GPRC6A: variants seen among roughly 807,000 people sequenced by gnomAD.
GPRC6A encodes G protein-coupled receptor family C group 6 member A.
A neutral mutation model predicts 47.0 loss-of-function variants in GPRC6A; 54 were observed. That is an observed-to-expected ratio of 1.15 (90% CI 0.92 to 1.44). The LOEUF is 1.44. Ranked by LOEUF, GPRC6A falls within the 40% of genes most tolerant of loss-of-function variation. The probability of loss-of-function intolerance (pLI) is 0.00; values close to 1 mark genes in which losing one functional copy is unlikely to be tolerated. For synonymous variants in GPRC6A, 347 were observed against 377.1 expected, an observed-to-expected ratio of 0.92 and a Z score of 0.93; for missense variants, 1,112 against 1,105.5, an observed-to-expected ratio of 1.01 and a Z score of -0.08.
At position 116,807,032 on chromosome 6, in the gene GPRC6A, G is replaced by T. The variant is rs767234671; in HGVS notation, c.673C>A (p.Leu225Ile). Residue 225 changes from leucine (L) to isoleucine (I), a missense_variant, in exon 3 of 6, where the codon CTT (leucine) becomes ATT (isoleucine). Physicochemically the swap from Leu to Ile is conservative, Grantham distance 5. Coordinates refer to ENST00000310357, the MANE Select transcript of GPRC6A (RefSeq NM_148963.4). ...TCAGCCTGAATTATAAAAGTGTTAA[G>T]AGCCAATCGTCCATAGTCATCATCT... ...TTDDDYGRLA[L>I]NTFIIQAEAN... is the part of the protein sequence containing the mutation. 3 of 1,613,762 alleles carry T rather than the reference G, an allele frequency of 1.9e-6. No individual in the cohort carries two copies. Among genetic ancestry groups the T allele is most frequent in the Non-Finnish European group, 2.5e-6 (3 of 1,179,808 alleles).
At chr6:116,800,515 G>GGCCAAGGACT in intron 4 of GPRC6A, 69 bp downstream of exon 4, 1 of 945,650 alleles carries the variant, frequency 1.1e-6, no homozygotes, top group Admixed American at 1.7e-5. Context: ...GAAGAGTGGG[G>GGCCAAGGACT]GCCAAGGACT....
In GPRC6A at chr6:116,815,584, G is replaced by A. The variant is rs562341881; in HGVS notation, c.195-5967C>T. Reference sequence around the variant, plus strand: ...AGAATACACATTCTTCTCAGTGCATGGAACATTCTCCAGATCAGGCCATAT... The same window carrying A: ...AGAATACACATTCTTCTCAGTGCATAGAACATTCTCCAGATCAGGCCATAT... On this transcript the variant is annotated intron_variant, in intron 1 of 5. Transcript: ENST00000310357. Among the ~76,000 whole-genome samples, 10 of 152,210 alleles carry A rather than the reference G, an allele frequency of 6.6e-5. No homozygotes were observed. The South Asian group carries it at 1.9e-3, about 28-fold the overall frequency.
rs1398678524 is a variant in GPRC6A, at chr6:116,800,910, G to A, written c.1336-114C>T. ...TATCACTTAAAAATGAGGGAAAAAA[G>A]ATTATAAATCACTGGTTGGAGAATT... is the stretch of plus-strand genomic sequence containing the variant. On this transcript the variant is annotated intron_variant, in intron 3 of 5. Transcript: ENST00000310357. 4 of 664,084 alleles carry A rather than the reference G, an allele frequency of 6.0e-6. No homozygotes were observed. In the African/African-American group the frequency reaches 7.2e-5, roughly 12 times the overall value. 41.1% of individuals were successfully genotyped at this position (664,084 alleles called of 1,614,324 possible). A position where few individuals can be genotyped will look rare whatever the true frequency, so the allele number is the denominator to read the frequency against.
chr6:116,804,786 G>A (rs1327147878), intron 3 of GPRC6A, among the ~76,000 whole-genome samples: 1 of 151,944 alleles, frequency 6.6e-6, no homozygotes, highest in East Asian at 1.9e-4. Context: ...CAGATCTTCA[G>A]GGGGTGAATA....
At position 116,827,084 on chromosome 6, in the gene GPRC6A, A is replaced by G. The variant is rs772491432; in HGVS notation, c.194+1736T>C. On this transcript the variant is annotated intron_variant, in intron 1 of 5. Transcript: ENST00000310357. ...GGTAGGAGAGGGAATAAAGAGAGGT[A>G]GGTTAGTGGGTATAAACATATAGTT... 1.3e-4 allele frequency among the ~76,000 whole-genome samples: 19 copies of G among 151,848 alleles called. 1 individual carries two copies. Among genetic ancestry groups the G allele is most frequent in the Admixed American group, 1.3e-3 (19 of 15,200 alleles).
At chr6:116,808,294 T>C (rs1348688856) in intron 2 of GPRC6A, among the ~76,000 whole-genome samples, 3 of 152,138 alleles carry the variant, frequency 2.0e-5, no homozygotes, top group Non-Finnish European at 2.9e-5. Flanking sequence ...CCATAGAATG[T>C]CCCCTTACCT....
chr6:116,798,463 C>T (rs764381981), intron 4 of GPRC6A, among the ~76,000 whole-genome samples: 30 of 151,988 alleles, frequency 2.0e-4, no homozygotes, highest in Admixed American at 3.3e-4. Context: ...AGGTCAGGTT[C>T]GTACTGGGGG....
chr6:116,805,722 C>T (rs1772814000), intron 3 of GPRC6A, among the ~76,000 whole-genome samples: 1 of 152,090 alleles, frequency 6.6e-6, no homozygotes, highest in African/African-American at 2.4e-5. Context: ...CACACAATTG[C>T]TGGTTTCTTT....
chr6:116,799,496 G>A (rs960976533), intron 4 of GPRC6A, among the ~76,000 whole-genome samples: 5 of 152,146 alleles, frequency 3.3e-5, no homozygotes, highest in African/African-American at 9.7e-5. Context: ...TTTCATTGAG[G>A]GGAGAATAAT....
Position 116,806,894 on chromosome 6 carries a change from C to T in GPRC6A, c.811G>A (p.Val271Ile). 7 of 1,613,664 alleles carry T rather than the reference C, an allele frequency of 4.3e-6. No homozygotes were observed. The highest frequency in any genetic ancestry group is 5.9e-6 in the Non-Finnish European group (7 of 1,179,784). The change falls in exon 3 of 6, where the codon GTT becomes ATT. Residue 271 changes from valine to isoleucine, a missense_variant. Transcript: ENST00000310357. ...TLKKIILEAQ[V>I]NVIVVFLRQF... ...CTCAGAAATACCACAATGACATTAA[C>T]CTGGGCTTCTAAAATGATTTTCTTC...
At chr6:116,821,950 C>A (rs1773500432) in intron 1 of GPRC6A, among the ~76,000 whole-genome samples, 1 of 148,596 alleles carries the variant, frequency 6.7e-6, no homozygotes, top group East Asian at 1.9e-4. Flanking sequence ...AAAATTTTCA[C>A]AACCTACTCA....
chr6:116,821,220 A>G (rs1773462814), intron 1 of GPRC6A, among the ~76,000 whole-genome samples: 1 of 152,140 alleles, frequency 6.6e-6, no homozygotes, highest in South Asian at 2.1e-4. Context: ...GGATACAAAC[A>G]AATGGAAGAA....
chr6:116,824,014 G>T (rs934831626), intron 1 of GPRC6A, among the ~76,000 whole-genome samples: 1 of 151,738 alleles, frequency 6.6e-6, no homozygotes, highest in East Asian at 1.9e-4. Flanking sequence ...CCAACATTAG[G>T]GATTATAATT....
chr6:116,817,747 G>A (rs1307034423), intron 1 of GPRC6A, among the ~76,000 whole-genome samples: 3 of 152,176 alleles, frequency 2.0e-5, no homozygotes, highest in South Asian at 2.1e-4. Context: ...GAAGCCTCAG[G>A]AGCCGATGCG....
At chr6:116,804,187 G>T (rs747640212) in intron 3 of GPRC6A, among the ~76,000 whole-genome samples, 8 of 151,962 alleles carry the variant, frequency 5.3e-5, no homozygotes, top group Non-Finnish European at 1.0e-4. Context: ...CAAGGAGGTG[G>T]TATCCTCCAC....
intron 1 of GPRC6A, among the ~76,000 whole-genome samples, chr6:116,824,286 A>T (rs1382302626): frequency 1.3e-5 from 2 of 152,020 alleles, no homozygotes; most frequent in Non-Finnish European, 2.9e-5. Context: ...AAAAAAACAA[A>T]GGATCAATAA....
chr6:116,800,848 A>G (rs1173392151), intron 3 of GPRC6A, 52 bp from the exon 4 acceptor site: 6 of 1,098,304 alleles, frequency 5.5e-6, no homozygotes, highest in Middle Eastern at 4.8e-4. Flanking sequence ...TTGCAAATGT[A>G]TCCATTATTC....
At chr6:116,823,608 A>G (rs1033046963) in intron 1 of GPRC6A, among the ~76,000 whole-genome samples, 28 of 152,130 alleles carry the variant, frequency 1.8e-4, no homozygotes, top group African/African-American at 6.7e-4. Context: ...ACATTTTCAG[A>G]TATCTTTATA....
chr6:116,805,162 A>C (rs1772796747), intron 3 of GPRC6A, among the ~76,000 whole-genome samples: 1 of 152,020 alleles, frequency 6.6e-6, no homozygotes, highest in African/African-American at 2.4e-5. Context: ...AACTATATAT[A>C]TATTAAAAGA....
Sources: gnomAD v4.1 joint callset for allele counts (sites outside exome capture counted in the v4.1 genomes callset) on GRCh38, gnomAD v4.1.1 for gene constraint, MANE v1.5 for transcripts, NCBI Gene and HGNC (gene_info 2026-07-23, HGNC 2026-07-21) for gene names.